MTFR1: variants seen among roughly 807,000 people sequenced by gnomAD.
MTFR1 encodes mitochondrial fission regulator 1.
Under a neutral mutation model 38.8 loss-of-function variants are expected in MTFR1, and 28 were observed. The ratio of observed to expected loss-of-function variants is 0.72; its 90% CI spans 0.53 to 0.99. The LOEUF is 0.99. Ranked by LOEUF, MTFR1 falls within the 50% of genes least tolerant of loss-of-function variation. The pLI is 0.00. For synonymous variants in MTFR1, 145 were observed against 137.0 expected, an observed-to-expected ratio of 1.06 and a Z score of -0.41; for missense variants, 358 against 395.5, an observed-to-expected ratio of 0.91 and a Z score of 0.81.
chr8:65,707,692 C>A, intron 6 of MTFR1, 151 bp from the exon 7 acceptor site: 3 of 974,510 alleles, frequency 3.1e-6, no homozygotes, highest in Non-Finnish European at 4.4e-6. Context: ...TAGCTCTAGG[C>A]TTCCATCTCA....
chr8:65,717,481 CCT>C (rs1394905318), intron 2 of MTFR1: 1 of 152,212 alleles, frequency 6.6e-6, no homozygotes, highest in African/African-American at 2.4e-5. Context: ...TGACCTCTCC[CCT>C]GTGTTAGTCA....
intron 4 of MTFR1, among the ~76,000 whole-genome samples, chr8:65,696,415 C>G (rs535751120): frequency 2.1e-4 from 32 of 152,142 alleles, no homozygotes; most frequent in African/African-American, 7.2e-4. Flanking sequence ...CACTCAGTCT[C>G]CTTCAATGGT....
At chr8:65,658,801 G>C (rs1240744877) in intron 1 of MTFR1, among the ~76,000 whole-genome samples, 1 of 152,158 alleles carries the variant, frequency 6.6e-6, no homozygotes, top group Non-Finnish European at 1.5e-5. Context: ...GACCACCCAG[G>C]TTAAGAAATA....
At chr8:65,744,124 C>T (rs1306972939) in intron 3 of MTFR1, among the ~76,000 whole-genome samples, 4 of 152,092 alleles carry the variant, frequency 2.6e-5, no homozygotes, top group African/African-American at 7.2e-5. Flanking sequence ...TGAGCCACCA[C>T]GCCCAGCCTA....
chr8:65,680,178 C>T (rs144499487), intron 2 of MTFR1, among the ~76,000 whole-genome samples: 2 of 77,626 alleles, frequency 2.6e-5, no homozygotes, highest in South Asian at 3.9e-4. Context: ...GGTTGGGGGG[C>T]GGGGGGACAT....
chr8:65,735,038 C>A, intron 3 of MTFR1: 1 of 618,940 alleles, frequency 1.6e-6, no homozygotes, highest in Non-Finnish European at 2.9e-6. Context: ...ATGATAATCA[C>A]CTCACAACTC....
intron 3 of MTFR1, among the ~76,000 whole-genome samples, chr8:65,691,291 A>G (rs2129055760): frequency 6.6e-6 from 1 of 151,992 alleles, no homozygotes; most frequent in East Asian, 1.9e-4. Flanking sequence ...CAAGATTTTA[A>G]AATTTCTATT....
intron 3 of MTFR1, among the ~76,000 whole-genome samples, chr8:65,730,589 C>T (rs1408385852): frequency 6.6e-6 from 1 of 152,086 alleles, no homozygotes; most frequent in Non-Finnish European, 1.5e-5. Context: ...TGAAACTGGT[C>T]CCTGATGCCA....
intron 3 of MTFR1, among the ~76,000 whole-genome samples, chr8:65,684,856 T>G (rs181984682): frequency 2.4e-3 from 359 of 151,808 alleles, no homozygotes; most frequent in Admixed American, 4.3e-3. Context: ...AATACAAAAT[T>G]AGCTGGGCAT....
chr8:65,734,825 T>A, intron 3 of MTFR1: 1 of 1,609,890 alleles, frequency 6.2e-7, no homozygotes, highest in Non-Finnish European at 8.5e-7. Context: ...GTGCATGGCC[T>A]GAGTAACATC....
chr8:65,690,365 C>T (rs1379721319), intron 3 of MTFR1, among the ~76,000 whole-genome samples: 1 of 151,854 alleles, frequency 6.6e-6, no homozygotes, highest in Non-Finnish European at 1.5e-5. Flanking sequence ...CGATACCCCC[C>T]ATCTCTACCA....
intron 3 of MTFR1, among the ~76,000 whole-genome samples, chr8:65,685,915 G>C (rs1805058615): frequency 6.6e-6 from 1 of 152,188 alleles, no homozygotes; most frequent in Non-Finnish European, 1.5e-5. Flanking sequence ...GAGACAAGTA[G>C]AGGTTGAGGG....
Position 65,704,938 on chromosome 8 carries a change from G to A in MTFR1, c.517+9G>A, listed in dbSNP as rs1805737947. The A allele has an allele frequency of 6.4e-7, 1 of 1,564,478 alleles. No homozygotes were observed. Among genetic ancestry groups the A allele is most frequent in the South Asian group, 1.2e-5 (1 of 86,494 alleles). ...GCAAAATCTCACTGCAGGTCTGTAAGTCCTACATTTGTTAGTTTTAACTTG... is the reference window on the plus strand; with the variant it reads ...GCAAAATCTCACTGCAGGTCTGTAAATCCTACATTTGTTAGTTTTAACTTG... On this transcript the variant is annotated intron_variant, in intron 5 of 7. Coordinates refer to ENST00000262146, the MANE Select transcript of MTFR1 (RefSeq NM_014637.4).
chr8:65,701,947 C>T (rs1805621346), intron 4 of MTFR1, among the ~76,000 whole-genome samples: 1 of 152,136 alleles, frequency 6.6e-6, no homozygotes, highest in Non-Finnish European at 1.5e-5. Context: ...CTATTTTATT[C>T]TTCATTACTT....
rs35841835 is a variant in MTFR1 at position 65,659,426 on chromosome 8, GTT to G, written c.-80-10431_-80-10430del. 3.0e-3 allele frequency among the ~76,000 whole-genome samples: 405 copies of G among 133,400 alleles called. 10 individuals are homozygous for G. The South Asian group carries it at 0.067, about 22-fold the overall frequency. 87.5% of individuals were successfully genotyped at this position (133,400 alleles called of 152,430 possible). On this transcript the variant is annotated intron_variant, in intron 1 of 7. Transcript: ENST00000262146. ...ATCAAGATCACTGAACAAAGGAGAG[GTT>G]TTTTTTTTTTTTTTTCAATCCCTGA...
At chr8:65,739,616 C>T (rs760922363) in intron 3 of MTFR1, 1 of 1,491,902 alleles carries the variant, frequency 6.7e-7, no homozygotes, top group African/African-American at 1.4e-5. Flanking sequence ...AAAGAAGAGA[C>T]ATTACATTAG....
At chr8:65,747,280 C>T (rs974441984) in intron 3 of MTFR1, among the ~76,000 whole-genome samples, 1 of 152,176 alleles carries the variant, frequency 6.6e-6, no homozygotes, top group African/African-American at 2.4e-5. Flanking sequence ...ACAAGTCCCT[C>T]GTGCTCTCTT....
At chr8:65,670,625 A>AT (rs904752829) in intron 2 of MTFR1, among the ~76,000 whole-genome samples, 11 of 150,776 alleles carry the variant, frequency 7.3e-5, no homozygotes, top group Non-Finnish European at 1.6e-4. Context: ...TTTGAAATTC[A>AT]TTTTTTTTCA....
At chr8:65,756,177 T>C (rs114437704) in intron 3 of MTFR1, among the ~76,000 whole-genome samples, 1,785 of 152,338 alleles carry the variant, frequency 0.012, 37 homozygotes, top group African/African-American at 0.041. Context: ...TGCTTCTCTC[T>C]TGCTGATTTC....
Sources: allele counts gnomAD v4.1 joint callset (sites outside exome capture counted in the v4.1 genomes callset), GRCh38; gene constraint gnomAD v4.1.1; transcripts MANE v1.5; gene names NCBI Gene and HGNC (gene_info 2026-07-23, HGNC 2026-07-21).